FOLR2: variants seen among roughly 807,000 people sequenced by gnomAD.
FOLR2 encodes the protein folate receptor 2 (fetal).
Under a neutral mutation model 20.4 loss-of-function variants are expected in FOLR2, and 14 were observed. That is an observed-to-expected ratio of 0.68 (90% CI 0.45 to 1.07). The LOEUF (loss-of-function observed/expected upper bound fraction) is 1.07. Among genes scored for constraint, FOLR2 ranks in the 50% least tolerant of loss-of-function variants. FOLR2 has a pLI of 0.00. For missense variants in FOLR2, 269 were observed against 322.6 expected (o/e 0.83, Z 1.27); for synonymous variants, 114 against 114.3 (o/e 1.00, Z 0.02).
At position 72,221,807 on chromosome 11, in the gene FOLR2, C is replaced by T. The variant is rs1324936670; in HGVS notation, c.*45C>T. 1 of 1,574,004 alleles carries T rather than the reference C, an allele frequency of 6.4e-7. No individual in the cohort carries two copies. Among genetic ancestry groups the T allele is most frequent in the South Asian group, 1.2e-5 (1 of 86,290 alleles). On this transcript the variant is annotated 3_prime_UTR_variant, in exon 5 of 5. Transcript: ENST00000298223. ...CCTGCCCTCAGCTTGGATAACCAGG[C>T]TGGGCTCAGCTCAGCTCCCACAAAT...
intron 1 of FOLR2, among the ~76,000 whole-genome samples, chr11:72,218,349 G>A (rs996331521): frequency 3.3e-5 from 5 of 152,172 alleles, no homozygotes; most frequent in South Asian, 2.1e-4. Flanking sequence ...ACTCACTAAC[G>A]CCAGTTCTCC....
chr11:72,216,868 T>C lies in FOLR2; in HGVS notation c.-82T>C. 1 of 1,599,064 alleles carries C rather than the reference T, an allele frequency of 6.3e-7. No homozygotes were observed. Among genetic ancestry groups the C allele is most frequent in the South Asian group, 1.1e-5 (1 of 91,044 alleles). ...TAGGGGCCTGGATCTATTGCCTACT[T>C]AGAGAGAGGCCAACTCAGACACAGC... On this transcript the variant is annotated 5_prime_UTR_variant, in exon 1 of 5. Coordinates refer to ENST00000298223, the MANE Select transcript of FOLR2 (RefSeq NM_000803.5).
At chr11:72,218,808 A>G in intron 2 of FOLR2, 74 bp downstream of exon 2, 1 of 1,299,754 alleles carries the variant, frequency 7.7e-7, no homozygotes, top group South Asian at 1.3e-5. Context: ...ATGGTGGGAG[A>G]GGGATTGAGG....
At position 72,221,067 on chromosome 11, in the gene FOLR2, T is replaced by TCGGGGGGGGGGGCGCCCC; in HGVS notation, c.339+10_339+11insGGGGGGGGGGGCGCCCCC. On this transcript the variant is annotated intron_variant, in intron 3 of 4. Coordinates refer to ENST00000298223, the MANE Select transcript of FOLR2 (RefSeq NM_000803.5). ...GGCCCTGGATCCAGCAGGTAGGGTG[T>TCGGGGGGGGGGGCGCCCC]CTCCCCCCCACCCACCCCAGCAGAC... The TCGGGGGGGGGGGCGCCCC allele has an allele frequency of 1.3e-6, 2 of 1,570,102 alleles. No homozygotes were observed. Among genetic ancestry groups the TCGGGGGGGGGGGCGCCCC allele is most frequent in the Non-Finnish European group, 1.7e-6 (2 of 1,154,900 alleles).
At chr11:72,220,386 T>C (rs1243625903) in intron 2 of FOLR2, among the ~76,000 whole-genome samples, 1 of 152,240 alleles carries the variant, frequency 6.6e-6, no homozygotes, top group South Asian at 2.1e-4. Flanking sequence ...CATTTAACTT[T>C]TCCCATATCA....
At chr11:72,217,980 T>C (rs963609222) in intron 1 of FOLR2, among the ~76,000 whole-genome samples, 3 of 152,164 alleles carry the variant, frequency 2.0e-5, no homozygotes, top group African/African-American at 7.2e-5. Flanking sequence ...GGAAAAAGTC[T>C]GAGGAAGCAA....
intron 3 of FOLR2, 47 bp downstream of exon 3, chr11:72,221,105 C>T (rs1042498602): frequency 1.3e-6 from 2 of 1,569,288 alleles, no homozygotes; most frequent in Non-Finnish European, 1.7e-6. Flanking sequence ...CCATCCCCCT[C>T]AGTCACTTCA....
At position 72,221,191 on chromosome 11, in the gene FOLR2, C is replaced by A; in HGVS notation, c.355C>A (p.Arg119Ser). 1 of 1,612,354 alleles carries A rather than the reference C, an allele frequency of 6.2e-7. No homozygotes were observed. The highest frequency in any genetic ancestry group is 2.2e-5 in the East Asian group (1 of 44,822). ...PWIQQVNQSW[R>S]KERFLDVPLC... is the part of the protein sequence containing the mutation. ...TCCCACCCAGGTGAATCAGAGCTGG[C>A]GCAAAGAACGCTTCCTGGATGTGCC... The change falls in exon 4 of 5, where the codon CGC becomes AGC. Residue 119 changes from arginine (R) to serine (S), a missense_variant. Arg to Ser is a moderately radical substitution (Grantham distance 110, BLOSUM62 -1). Transcript: ENST00000298223.
intron 1 of FOLR2, chr11:72,217,314 T>C (rs998927893): frequency 6.8e-5 from 85 of 1,243,066 alleles, no homozygotes; most frequent in Admixed American, 2.3e-4. Flanking sequence ...TGAGCCACTG[T>C]GCCCGGCCAC....
At chr11:72,217,433 T>C (rs745681284) in intron 1 of FOLR2, 4 of 1,266,850 alleles carry the variant, frequency 3.2e-6, no homozygotes, top group Non-Finnish European at 1.0e-6. Context: ...GGTCAGTAAG[T>C]TTTTGGAGGG....
In FOLR2 at chr11:72,221,264, C is replaced by T; in HGVS notation, c.428C>T (p.Ser143Phe). The T allele has an allele frequency of 1.2e-6, 2 of 1,613,954 alleles. No homozygotes were observed. Among genetic ancestry groups the T allele is most frequent in the Non-Finnish European group, 8.5e-7 (1 of 1,179,906 alleles). ...CQRWWEDCHT[S>F]HTCKSNWHRG... Reference sequence around the variant, plus strand: ...CGCTGGTGGGAGGATTGTCACACCTCCCACACGTGCAAGAGCAACTGGCAC... The same window carrying T: ...CGCTGGTGGGAGGATTGTCACACCTTCCACACGTGCAAGAGCAACTGGCAC... Residue 143 changes from serine to phenylalanine, a missense_variant, in exon 4 of 5, where the codon TCC becomes TTC. Transcript: ENST00000298223.
At chr11:72,220,776 G>A in intron 2 of FOLR2, 94 bp from the exon 3 acceptor site, 1 of 1,514,542 alleles carries the variant, frequency 6.6e-7, no homozygotes, top group Admixed American at 1.9e-5. Flanking sequence ...ACCTGCCTAG[G>A]GCAGAGGAGT....
chr11:72,221,217 C>T lies in FOLR2; in HGVS notation c.381C>T (p.Pro127=), dbSNP rs1948485956. Residue 127 remains proline, a synonymous_variant, in exon 4 of 5, where the codon CCC becomes CCT. Coordinates refer to ENST00000298223, the MANE Select transcript of FOLR2 (RefSeq NM_000803.5). ...GCAAAGAACGCTTCCTGGATGTGCC[C>T]TTATGCAAAGAGGACTGTCAGCGCT... ...SWRKERFLDV[P]LCKEDCQRWW... 1 of 1,613,446 alleles carries T rather than the reference C, an allele frequency of 6.2e-7. No homozygotes were observed.
At position 72,216,868 on chromosome 11, in the gene FOLR2, TAGAG is replaced by T; in HGVS notation, c.-77_-74del. ...TAGGGGCCTGGATCTATTGCCTACTTAGAGAGAGGCCAACTCAGACACAGCCGTG... is the reference window on the plus strand; with the variant it reads ...TAGGGGCCTGGATCTATTGCCTACTTAGAGGCCAACTCAGACACAGCCGTG... On this transcript the variant is annotated 5_prime_UTR_variant, in exon 1 of 5. Coordinates refer to ENST00000298223, the MANE Select transcript of FOLR2 (RefSeq NM_000803.5). 6.3e-7 allele frequency: 1 copy of T among 1,599,064 alleles called. No individual in the cohort carries two copies. Among genetic ancestry groups the T allele is most frequent in the Non-Finnish European group, 8.5e-7 (1 of 1,179,568 alleles).
At chr11:72,218,773 T>A in intron 2 of FOLR2, 39 bp downstream of exon 2, 2 of 1,566,540 alleles carry the variant, frequency 1.3e-6, no homozygotes, top group Non-Finnish European at 1.7e-6. Context: ...AGGGGGCTTG[T>A]TCTAACAGGG....
rs773986267 is a variant in FOLR2, at chr11:72,220,948, A to G, written c.229A>G (p.Asn77Asp). 6.2e-7 allele frequency: 1 copy of G among 1,614,004 alleles called. No individual in the cohort carries two copies. Among genetic ancestry groups the G allele is most frequent in the Admixed American group, 1.7e-5 (1 of 60,034 alleles). ...GCACAAGGACACCTCCCGCCTGTAC[A>G]ACTTTAACTGGGACCACTGCGGCAA... ...ELHKDTSRLY[N>D]FNWDHCGKME... The change falls in exon 3 of 5, where the codon AAC becomes GAC. Residue 77 changes from asparagine (N) to aspartate (D), a missense_variant. Coordinates refer to ENST00000298223, the MANE Select transcript of FOLR2 (RefSeq NM_000803.5).
In FOLR2 at chr11:72,221,798, A is replaced by C. The variant is rs370252871; in HGVS notation, c.*36A>C. 31 of 1,591,698 alleles carry C rather than the reference A, an allele frequency of 1.9e-5. No homozygotes were observed. The African/African-American group carries it at 2.8e-4, about 14-fold the overall frequency. On this transcript the variant is annotated 3_prime_UTR_variant, in exon 5 of 5. Coordinates refer to ENST00000298223, the MANE Select transcript of FOLR2 (RefSeq NM_000803.5). ...CCCAGACTACCTGCCCTCAGCTTGG[A>C]TAACCAGGCTGGGCTCAGCTCAGCT...
chr11:72,219,955 C>A (rs2135402538), intron 2 of FOLR2, among the ~76,000 whole-genome samples: 1 of 151,282 alleles, frequency 6.6e-6, no homozygotes, highest in South Asian at 2.1e-4. Flanking sequence ...TCTGGTGATT[C>A]TCCTGCCTCA....
chr11:72,221,298 G>C lies in FOLR2; in HGVS notation c.462G>C (p.Trp154Cys), dbSNP rs772945129. The change falls in exon 4 of 5, where the codon TGG becomes TGC. Residue 154 changes from tryptophan (W) to cysteine (C), a missense_variant. Physicochemically the swap from Trp to Cys is radical, Grantham distance 215. Coordinates refer to ENST00000298223, the MANE Select transcript of FOLR2 (RefSeq NM_000803.5). The part of the protein sequence containing the change: ...HTCKSNWHRG[W>C]DWTSGVNKCP... ...GCAAGAGCAACTGGCACAGAGGATG[G>C]GACTGGACCTCAGGTGAGGGTGATT... 9.9e-6 allele frequency: 16 copies of C among 1,613,942 alleles called. No individual in the cohort carries two copies. Among genetic ancestry groups the C allele is most frequent in the Non-Finnish European group, 1.4e-5 (16 of 1,179,886 alleles).
Sources: gnomAD v4.1 joint callset for allele counts (sites outside exome capture counted in the v4.1 genomes callset) on GRCh38, gnomAD v4.1.1 for gene constraint, MANE v1.5 for transcripts, NCBI Gene and HGNC (gene_info 2026-07-23, HGNC 2026-07-21) for gene names.